The following ADRA1B variants were observed in gnomAD, a reference collection of about 807,000 sequenced individuals.
ADRA1B encodes the protein alpha-1B adrenergic receptor.
In ADRA1B, 17 loss-of-function variants were observed where a neutral mutation model predicts 17.9. The observed-to-expected ratio is 0.95, with a 90% CI of 0.65 to 1.42. The LOEUF (loss-of-function observed/expected upper bound fraction) is 1.42. ADRA1B is among the 40% of genes most tolerant of loss of function. The probability of loss-of-function intolerance (pLI) is 0.00; values close to 1 mark genes in which losing one functional copy is unlikely to be tolerated. For synonymous variants in ADRA1B, 366 were observed against 327.6 expected (o/e 1.12, Z -1.27); for missense variants, 681 against 722.1 (o/e 0.94, Z 0.65).
intron 1 of ADRA1B, among the ~76,000 whole-genome samples, chr5:159,911,201 G>T (rs1325254565): frequency 6.6e-6 from 1 of 152,138 alleles, no homozygotes; most frequent in Admixed American, 6.5e-5. Context: ...AGTGATAGTG[G>T]CAAGCCCATG....
the ADRA1B span, among the ~76,000 whole-genome samples, chr5:159,978,934 C>G: frequency 6.6e-6 from 1 of 152,186 alleles, no homozygotes; most frequent in Admixed American, 6.5e-5. Context: ...ATTCTACAAG[C>G]TATTCTTAAA....
chr5:159,925,751 A>G (rs1754629324), intron 1 of ADRA1B, among the ~76,000 whole-genome samples: 1 of 152,182 alleles, frequency 6.6e-6, no homozygotes, highest in Non-Finnish European at 1.5e-5. Flanking sequence ...TCTTAACTCA[A>G]CTCTTAGCTG....
rs200011920 is a variant in ADRA1B, at chr5:159,939,337, A to G, written c.949+21483A>G. On this transcript the variant is annotated intron_variant, in intron 1 of 1. Coordinates refer to ENST00000306675, the MANE Select transcript of ADRA1B (RefSeq NM_000679.4). ...TGTGTGTGTGTGCGCGCGCGCGCGC[A>G]CACAATGCACTGAGGATAGTTCAGC... is the stretch of plus-strand genomic sequence containing the variant. 5.7e-4 allele frequency among the ~76,000 whole-genome samples: 62 copies of G among 108,700 alleles called. 1 individual carries two copies. The highest frequency in any genetic ancestry group is 3.3e-3 in the East Asian group (11 of 3,302). 71.3% of individuals were successfully genotyped at this position (108,700 alleles called of 152,430 possible).
intron 1 of ADRA1B, among the ~76,000 whole-genome samples, chr5:159,900,968 T>C (rs4324659): frequency 0.034 from 5,185 of 152,286 alleles, 291 homozygotes; most frequent in African/African-American, 0.12. Flanking sequence ...ATAGTTTTAA[T>C]TGGACTATGA....
At chr5:159,898,933 T>G (rs1037406686) in intron 1 of ADRA1B, among the ~76,000 whole-genome samples, 2 of 152,106 alleles carry the variant, frequency 1.3e-5, no homozygotes, top group African/African-American at 4.8e-5. Context: ...AACTTGAGCC[T>G]AGAAATTGAA....
rs534302700 is a variant in ADRA1B at position 159,972,503 on chromosome 5, C to T, written c.*11C>T. On this transcript the variant is annotated 3_prime_UTR_variant, in exon 2 of 2. Transcript: ENST00000306675. ...CCCGGGCAGTTTTAGGGCCCCCGTG[C>T]GCAGCTTTCTTTCCCTGGGGAGGAA... 2.5e-3 allele frequency: 2,907 copies of T among 1,165,744 alleles called. 67 individuals are homozygous for T. In the African/African-American group the frequency reaches 0.043, roughly 17 times the overall value. The allele number at this position is 1,165,744 out of a possible 1,614,324, so 72.2% of individuals were successfully genotyped here. A position where few individuals can be genotyped will look rare whatever the true frequency, so the allele number is the denominator to read the frequency against.
Position 159,917,628 on chromosome 5 carries a change from C to T in ADRA1B, c.723C>T (p.Val241=). 6.2e-7 allele frequency: 1 copy of T among 1,613,978 alleles called. No individual in the cohort carries two copies. Among genetic ancestry groups the T allele is most frequent in the Non-Finnish European group, 8.5e-7 (1 of 1,179,994 alleles). ...KRTTKNLEAG[V]MKEMSNSKEL... ...CCACCAAGAACCTAGAGGCAGGAGT[C>T]ATGAAGGAGATGTCCAACTCCAAGG... Residue 241 remains valine, a synonymous_variant, in exon 1 of 2, where the codon GTC becomes GTT. Transcript: ENST00000306675.
At chr5:159,944,146 T>C (rs1307767554) in intron 1 of ADRA1B, among the ~76,000 whole-genome samples, 2 of 152,188 alleles carry the variant, frequency 1.3e-5, no homozygotes, top group African/African-American at 4.8e-5. Flanking sequence ...GAACCTTTCA[T>C]GCAGAGTTTT....
At position 159,917,255 on chromosome 5, in the gene ADRA1B, T is replaced by G; in HGVS notation, c.350T>G (p.Phe117Cys). Residue 117 changes from phenylalanine to cysteine, a missense_variant, in exon 1 of 2, where the codon TTC becomes TGC. Around this residue, in one of 3 missense-constraint regions of ADRA1B, gnomAD observed 424 missense variants for 480.2 expected, o/e 0.88. Coordinates refer to ENST00000306675, the MANE Select transcript of ADRA1B (RefSeq NM_000679.4). ...VLGYWVLGRI[F>C]CDIWAAVDVL... ...GGCTACTGGGTGCTGGGGCGGATCT[T>G]CTGTGACATCTGGGCAGCCGTGGAT... 1.2e-6 allele frequency: 2 copies of G among 1,614,112 alleles called. No homozygotes were observed. Among genetic ancestry groups the G allele is most frequent in the Non-Finnish European group, 1.7e-6 (2 of 1,180,028 alleles).
chr5:159,923,917 G>C (rs531785873), intron 1 of ADRA1B, among the ~76,000 whole-genome samples: 1 of 152,252 alleles, frequency 6.6e-6, no homozygotes, highest in Admixed American at 6.5e-5. Context: ...AGCAAGCATC[G>C]TCATCCCTGT....
intron 1 of ADRA1B, among the ~76,000 whole-genome samples, chr5:159,895,610 G>T (rs143661794): frequency 1.3e-5 from 2 of 152,034 alleles, no homozygotes; most frequent in Non-Finnish European, 2.9e-5. Flanking sequence ...TATGGCAGAC[G>T]TTTACCTATG....
At chr5:159,959,349 G>C (rs1181355605) in intron 1 of ADRA1B, among the ~76,000 whole-genome samples, 1 of 152,336 alleles carries the variant, frequency 6.6e-6, no homozygotes, top group East Asian at 1.9e-4. Flanking sequence ...TTATGAACCC[G>C]ATACTGAGTT....
At chr5:159,980,220 A>G in the ADRA1B span, among the ~76,000 whole-genome samples, 2 of 152,074 alleles carry the variant, frequency 1.3e-5, no homozygotes, top group African/African-American at 4.8e-5. Context: ...ATCGGTGGTC[A>G]CAGAACTGAC....
intron 1 of ADRA1B, among the ~76,000 whole-genome samples, chr5:159,879,639 G>A (rs971115886): frequency 3.3e-5 from 5 of 152,256 alleles, no homozygotes; most frequent in Middle Eastern, 3.4e-3. Context: ...CAGTCCACAC[G>A]CATATGCATG....
chr5:159,964,946 A>C (rs1173143423), intron 1 of ADRA1B, among the ~76,000 whole-genome samples: 2 of 152,190 alleles, frequency 1.3e-5, no homozygotes, highest in Admixed American at 6.5e-5. Flanking sequence ...CCTCATCCGT[A>C]CAGAAAATAA....
chr5:159,882,884 G>A (rs1753877281), intron 1 of ADRA1B, among the ~76,000 whole-genome samples: 1 of 152,156 alleles, frequency 6.6e-6, no homozygotes, highest in Non-Finnish European at 1.5e-5. Flanking sequence ...GAGAGAGAGA[G>A]AATGCTGAGA....
chr5:159,874,400 T>C (rs1581015999), intron 1 of ADRA1B, among the ~76,000 whole-genome samples: 2 of 152,342 alleles, frequency 1.3e-5, no homozygotes, highest in South Asian at 4.1e-4. Context: ...TGTAGAGCTG[T>C]GGGTGGCCTC....
chr5:159,985,818 G>A, the ADRA1B span, among the ~76,000 whole-genome samples: 13 of 152,232 alleles, frequency 8.5e-5, no homozygotes. Context: ...GCATTGCGAA[G>A]AGGAGCATTC....
At chr5:159,971,121 A>G (rs1255001535) in intron 1 of ADRA1B, among the ~76,000 whole-genome samples, 1 of 151,926 alleles carries the variant, frequency 6.6e-6, no homozygotes, top group East Asian at 1.9e-4. Context: ...TTTTTATTTG[A>G]TTGCCTAATA....
Sources: gnomAD v4.1 joint callset for allele counts (sites outside exome capture counted in the v4.1 genomes callset) on GRCh38, gnomAD v4.1.1 for gene constraint, gnomAD v4.1.1 regional missense constraint, MANE v1.5 for transcripts, NCBI Gene and HGNC (gene_info 2026-07-23, HGNC 2026-07-21) for gene names.